The following HOXA3 variants were observed in gnomAD, a reference collection of about 807,000 sequenced individuals.
HOXA3 encodes homeobox A3.
In HOXA3, 8 loss-of-function variants were observed where a neutral mutation model predicts 30.3. The ratio of observed to expected loss-of-function variants is 0.26; its 90% CI spans 0.15 to 0.48. The LOEUF (loss-of-function observed/expected upper bound fraction) is 0.48. Ranked by LOEUF, HOXA3 falls within the 20% of genes least tolerant of loss-of-function variation. The pLI is 0.99. For missense variants in HOXA3, 653 were observed against 614.4 expected, an observed-to-expected ratio of 1.06 and a Z score of -0.66; for synonymous variants, 323 against 273.1, an observed-to-expected ratio of 1.18 and a Z score of -1.80.
In HOXA3 at chr7:27,110,467, G is replaced by A. The variant is rs1348186694; in HGVS notation, c.174C>T (p.Ala58=). 2 of 1,596,022 alleles carry A rather than the reference G, an allele frequency of 1.3e-6. No individual in the cohort carries two copies. Among genetic ancestry groups the A allele is most frequent in the Non-Finnish European group, 1.7e-6 (2 of 1,169,126 alleles). Residue 58 remains alanine (A), a synonymous_variant, in exon 5 of 6, where the codon GCC becomes GCT. Coordinates refer to ENST00000612286, the MANE Select transcript of HOXA3 (RefSeq NM_153631.3). The part of the protein sequence containing the change: ...PACSLQSPSS[A]GGHPKAHELS... ...GTTCGTGTGCCTTGGGGTGGCCCCC[G>A]GCGCTGGAGGGAGACTGGAGGGAGC...
rs976697190 is a variant in HOXA3, at chr7:27,110,300, G to A, written c.341C>T (p.Pro114Leu). ...GGGAGGCGGGGGCGCGGCAGGGGTA[G>A]GTGCAGGGGGCTGAGGTGCGGGCTG... Reference protein sequence around the residue: ...PPQPAPQPPAPTPAAPPPPSS... With the variant: ...PPQPAPQPPALTPAAPPPPSS... Residue 114 changes from proline to leucine, a missense_variant, in exon 5 of 6, where the codon CCT (proline) becomes CTT (leucine). Transcript: ENST00000612286. The A allele has an allele frequency of 6.3e-6, 10 of 1,577,714 alleles. No individual in the cohort carries two copies. The highest frequency in any genetic ancestry group is 1.8e-5 in the Admixed American group (1 of 56,832).
chr7:27,134,565 G>A (rs1190656023), intron 2 of HOXA3, among the ~76,000 whole-genome samples: 1 of 152,190 alleles, frequency 6.6e-6, no homozygotes, highest in Non-Finnish European at 1.5e-5. Context: ...TTGTCTTGTT[G>A]ACTCATCGAG....
intron 4 of HOXA3, among the ~76,000 whole-genome samples, chr7:27,117,909 C>T (rs1784808894): frequency 6.6e-6 from 1 of 152,190 alleles, no homozygotes; most frequent in African/African-American, 2.4e-5. Flanking sequence ...CACTGGGGGC[C>T]ACTGGGCCCA....
intron 1 of HOXA3, chr7:27,142,068 C>G: frequency 1.2e-6 from 2 of 1,613,804 alleles, no homozygotes; most frequent in Non-Finnish European, 1.7e-6. Flanking sequence ...CTTTTGCCTT[C>G]CGGGCCGCCT....
At chr7:27,144,533 C>T in intron 1 of HOXA3, among the ~76,000 whole-genome samples, 1 of 152,204 alleles carries the variant, frequency 6.6e-6, no homozygotes, top group South Asian at 2.1e-4. Flanking sequence ...ATCTTCATCA[C>T]AGGGTCCGGT....
intron 1 of HOXA3, among the ~76,000 whole-genome samples, chr7:27,144,932 G>A (rs1371991458): frequency 6.6e-6 from 1 of 152,212 alleles, no homozygotes; most frequent in Non-Finnish European, 1.5e-5. Flanking sequence ...GGGCGCTATC[G>A]GAGGCTGGGA....
intron 2 of HOXA3, chr7:27,130,776 G>T (rs1380596330): frequency 1.3e-6 from 2 of 1,567,008 alleles, no homozygotes; most frequent in Non-Finnish European, 1.7e-6. Context: ...TCGCGTTGTC[G>T]TTTTTTCTGG....
intron 2 of HOXA3, among the ~76,000 whole-genome samples, chr7:27,136,217 A>C (rs931124239): frequency 6.6e-6 from 1 of 152,184 alleles, no homozygotes; most frequent in Non-Finnish European, 1.5e-5. Flanking sequence ...TTCAGGGGGA[A>C]GGGGCCCCCC....
chr7:27,121,065 T>A (rs1294008264), intron 4 of HOXA3: 1 of 152,210 alleles, frequency 6.6e-6, no homozygotes, highest in Non-Finnish European at 1.5e-5. Context: ...CGTTAGCCAA[T>A]ATTTGCAAGG....
intron 3 of HOXA3, chr7:27,124,151 A>T (rs1321476730): frequency 6.6e-6 from 1 of 152,248 alleles, no homozygotes; most frequent in Non-Finnish European, 1.5e-5. Flanking sequence ...CGTTCAGACT[A>T]ATGAGTCACA....
Position 27,108,560 on chromosome 7 carries a change from G to GT in HOXA3, c.686dup (p.Asn229LysfsTer4), listed in dbSNP as rs755936223. 1 of 1,614,164 alleles carries GT rather than the reference G, an allele frequency of 6.2e-7. No individual in the cohort carries two copies. The highest frequency in any genetic ancestry group is 8.5e-7 in the Non-Finnish European group (1 of 1,180,020). On this transcript the variant is annotated frameshift_variant, in exon 6 of 6. Coordinates refer to ENST00000612286, the MANE Select transcript of HOXA3 (RefSeq NM_153631.3). LOFTEE classifies it high-confidence loss of function. The surrounding 1 kb of genome is among the most constrained non-coding windows in gnomAD (Gnocchi z 5.0). ...AGATCTTGATCTGGCGCTCAGTGAG[G>GT]TTCAGCAGATTGGCCATCTCCACCC...
chr7:27,142,563 C>T (rs1312460590), intron 1 of HOXA3, among the ~76,000 whole-genome samples: 1 of 152,228 alleles, frequency 6.6e-6, no homozygotes, highest in Non-Finnish European at 1.5e-5. Context: ...CTCTCTCCCT[C>T]CTGCCCCCAA....
chr7:27,145,097 C>A (rs886693273), intron 1 of HOXA3, among the ~76,000 whole-genome samples: 1 of 152,250 alleles, frequency 6.6e-6, no homozygotes, highest in Non-Finnish European at 1.5e-5. Context: ...GTTCCTCGAG[C>A]TTCCTTCCTG....
chr7:27,107,981 C>G lies in HOXA3; in HGVS notation c.1266G>C (p.Thr422=), dbSNP rs754837607. ...PGPGEPHPTY[T]DLTGHHPSQG... is the part of the protein sequence containing the mutation. ...GAGAAGGATGGTGGCCGGTAAGGTC[C>G]GTGTAGGTGGGGTGCGGCTCCCCAG... Residue 422 remains threonine, a synonymous_variant, in exon 6 of 6, where the codon ACG becomes ACC. Coordinates refer to ENST00000612286, the MANE Select transcript of HOXA3 (RefSeq NM_153631.3). 1 of 1,608,796 alleles carries G rather than the reference C, an allele frequency of 6.2e-7. No individual in the cohort carries two copies. Among genetic ancestry groups the G allele is most frequent in the South Asian group, 1.1e-5 (1 of 90,848 alleles).
chr7:27,147,061 C>G (rs1485780360), intron 1 of HOXA3: 38 of 563,012 alleles, frequency 6.7e-5, no homozygotes, highest in Non-Finnish European at 1.2e-4. Context: ...CATATACGTG[C>G]CAGTGCCCCC....
At chr7:27,143,125 A>G (rs768853015) in intron 1 of HOXA3, 7 of 1,604,380 alleles carry the variant, frequency 4.4e-6, no homozygotes, top group Middle Eastern at 1.8e-4. Context: ...CGCTCTGCGC[A>G]CTCGCCTGCT....
chr7:27,143,471 C>A, intron 1 of HOXA3: 1 of 1,613,876 alleles, frequency 6.2e-7, no homozygotes, highest in Non-Finnish European at 8.5e-7. Flanking sequence ...GTAGCCGTAG[C>A]CGTACCTGCC....
At chr7:27,119,609 T>A (rs1260318623) in intron 4 of HOXA3, 2 of 152,248 alleles carry the variant, frequency 1.3e-5, no homozygotes, top group Non-Finnish European at 2.9e-5. Context: ...TCAGGCCATA[T>A]TCTTTTTTTC....
intron 1 of HOXA3, chr7:27,150,735 C>A (rs1782940842): frequency 6.6e-6 from 1 of 152,538 alleles, no homozygotes; most frequent in Non-Finnish European, 1.5e-5. Context: ...TGCAACCAGT[C>A]TCCATGGTGC....
Sources: allele counts gnomAD v4.1 joint callset (sites outside exome capture counted in the v4.1 genomes callset), GRCh38; gene constraint gnomAD v4.1.1; non-coding constraint Gnocchi (gnomAD v3.1); transcripts MANE v1.5; gene names NCBI Gene and HGNC (gene_info 2026-07-23, HGNC 2026-07-21).